SDK1: variants seen among roughly 807,000 people sequenced by gnomAD.
The protein encoded by SDK1 is sidekick cell adhesion molecule 1.
In SDK1, 157 loss-of-function variants were observed where a neutral mutation model predicts 245.5. The observed-to-expected ratio is 0.64, with a 90% confidence interval of 0.56 to 0.73. The LOEUF is 0.73. SDK1 is among the 30% of genes least tolerant of loss of function. The probability of loss-of-function intolerance (pLI) is 0.00; values close to 1 mark genes in which losing one functional copy is unlikely to be tolerated. For missense variants in SDK1, 3,583 were observed against 3,002.3 expected (o/e 1.19, Z -4.52); for synonymous variants, 1,647 against 1,278.5 (o/e 1.29, Z -6.15).
intron 14 of SDK1, among the ~76,000 whole-genome samples, chr7:3,990,636 C>G (rs1283145857): frequency 6.6e-6 from 1 of 152,204 alleles, no homozygotes; most frequent in East Asian, 1.9e-4. Flanking sequence ...CCCCATCAGG[C>G]GCTGTCGCCT....
intron 1 of SDK1, among the ~76,000 whole-genome samples, chr7:3,434,139 G>A (rs980483467): frequency 7.2e-5 from 11 of 152,066 alleles, no homozygotes; most frequent in Admixed American, 3.3e-4. Flanking sequence ...TAATTTTGGC[G>A]TATTTTGTGA....
At chr7:3,680,946 G>A (rs1000754779) in intron 4 of SDK1, among the ~76,000 whole-genome samples, 1 of 152,098 alleles carries the variant, frequency 6.6e-6, no homozygotes, top group African/African-American at 2.4e-5. Context: ...GGGTTCAAGC[G>A]ATTCTCCTGC....
intron 1 of SDK1, among the ~76,000 whole-genome samples, chr7:3,498,632 C>G (rs1418643472): frequency 1.3e-5 from 2 of 152,174 alleles, no homozygotes; most frequent in East Asian, 1.9e-4. Context: ...TTGTTTTCCT[C>G]CAATATCACA....
intron 1 of SDK1, among the ~76,000 whole-genome samples, chr7:3,582,025 G>A (rs1027314223): frequency 2.0e-5 from 3 of 151,756 alleles, no homozygotes; most frequent in African/African-American, 4.8e-5. Flanking sequence ...CCTGTCTCAG[G>A]TAGATCTGTC....
chr7:4,188,661 T>G (rs920991433), intron 35 of SDK1, among the ~76,000 whole-genome samples: 1 of 151,614 alleles, frequency 6.6e-6, no homozygotes, highest in Non-Finnish European at 1.5e-5. Flanking sequence ...TTTTATGTTT[T>G]CCATTAAACT....
intron 1 of SDK1, among the ~76,000 whole-genome samples, chr7:3,406,013 A>C (rs890697765): frequency 6.6e-6 from 1 of 152,046 alleles, no homozygotes; most frequent in Non-Finnish European, 1.5e-5. Flanking sequence ...GGGTTTCGCC[A>C]TATTGCTCAG....
chr7:4,079,716 G>T, intron 22 of SDK1, 132 bp downstream of exon 22: 1 of 1,303,272 alleles, frequency 7.7e-7, no homozygotes, highest in East Asian at 2.4e-5. Flanking sequence ...GAGAACCAGG[G>T]GCTGGAGATA....
rs1265437949 is a variant in SDK1, at chr7:4,263,581, GA to G, written c.6382-1542del. 3.3e-4 allele frequency among the ~76,000 whole-genome samples: 18 copies of G among 54,582 alleles called. 1 individual carries two copies. Among genetic ancestry groups the G allele is most frequent in the African/African-American group, 5.2e-4 (5 of 9,532 alleles). 35.8% of individuals were successfully genotyped at this position (54,582 alleles called of 152,430 possible). ...GAGGCCGCGTAGACCTCTCCTGAGT[GA>G]GGGAGGCCGCGTAGACCTCTCCTGA... is the stretch of plus-strand genomic sequence containing the variant. On this transcript the variant is annotated intron_variant, in intron 44 of 44. Coordinates refer to ENST00000404826, the MANE Select transcript of SDK1 (RefSeq NM_152744.4).
intron 5 of SDK1, among the ~76,000 whole-genome samples, chr7:3,893,510 C>G (rs1188583730): frequency 2.0e-5 from 3 of 152,042 alleles, no homozygotes; most frequent in Non-Finnish European, 4.4e-5. Context: ...AGCCTGCTTT[C>G]CATACCTTCT....
At chr7:3,497,920 G>A (rs553680964) in intron 1 of SDK1, among the ~76,000 whole-genome samples, 1 of 152,160 alleles carries the variant, frequency 6.6e-6, no homozygotes, top group Non-Finnish European at 1.5e-5. Context: ...GGAGTTTCTG[G>A]ATGTGATACT....
At chr7:4,253,272 A>G (rs933704576) in intron 44 of SDK1, among the ~76,000 whole-genome samples, 1 of 152,148 alleles carries the variant, frequency 6.6e-6, no homozygotes, top group African/African-American at 2.4e-5. Context: ...TTTATGGCTA[A>G]AAATTCCCCT....
At chr7:3,786,165 T>C (rs898172337) in intron 4 of SDK1, among the ~76,000 whole-genome samples, 6 of 152,184 alleles carry the variant, frequency 3.9e-5, no homozygotes, top group Non-Finnish European at 7.4e-5. Flanking sequence ...CTTTTACTCT[T>C]TCCCTTCTTC....
Position 4,181,544 on chromosome 7 carries a change from C to T in SDK1, c.5098+2958C>T, listed in dbSNP as rs2128220044. On this transcript the variant is annotated intron_variant, in intron 35 of 44. Coordinates refer to ENST00000404826, the MANE Select transcript of SDK1 (RefSeq NM_152744.4). ...GCTTCTCCCTTCCCCACTGGGCCCC[C>T]ATCTCCCTCCCCTCCCAACATGTGC... Among the ~76,000 whole-genome samples the T allele has an allele frequency of 1.3e-5, 2 of 152,206 alleles. 1 individual carries two copies. Among genetic ancestry groups the T allele is most frequent in the South Asian group, 4.2e-4 (2 of 4,818 alleles).
chr7:3,399,473 C>A (rs1443218500), intron 1 of SDK1, among the ~76,000 whole-genome samples: 4 of 152,090 alleles, frequency 2.6e-5, no homozygotes, highest in Non-Finnish European at 5.9e-5. Context: ...ATGGTCTGTA[C>A]ATTCCTATAT....
At chr7:3,483,087 T>G (rs1781567956) in intron 1 of SDK1, among the ~76,000 whole-genome samples, 1 of 152,250 alleles carries the variant, frequency 6.6e-6, no homozygotes, top group South Asian at 2.1e-4. Flanking sequence ...AGAAGTTTTC[T>G]TACATATTTT....
chr7:3,812,488 A>G (rs1488326002), intron 4 of SDK1, among the ~76,000 whole-genome samples: 1 of 152,220 alleles, frequency 6.6e-6, no homozygotes, highest in Non-Finnish European at 1.5e-5. Flanking sequence ...TCAATATAGA[A>G]GAGTTGGATA....
intron 35 of SDK1, among the ~76,000 whole-genome samples, chr7:4,190,232 C>T (rs994073440): frequency 2.0e-5 from 3 of 152,178 alleles, no homozygotes; most frequent in Admixed American, 6.5e-5. Context: ...TAACATATCA[C>T]GCGATAATGA....
chr7:4,194,726 G>A (rs556374232), intron 35 of SDK1, among the ~76,000 whole-genome samples: 1 of 152,266 alleles, frequency 6.6e-6, no homozygotes, highest in East Asian at 1.9e-4. Flanking sequence ...CAGCTGATGA[G>A]ATGGTGCACA....
intron 1 of SDK1, among the ~76,000 whole-genome samples, chr7:3,506,304 A>G (rs962927524): frequency 1.4e-4 from 22 of 152,000 alleles, no homozygotes; most frequent in Admixed American, 3.9e-4. Context: ...ATGTTCTTCT[A>G]TTGTCTTCTG....
Sources: allele counts gnomAD v4.1 joint callset (sites outside exome capture counted in the v4.1 genomes callset), GRCh38; gene constraint gnomAD v4.1.1; transcripts MANE v1.5; gene names NCBI Gene and HGNC (gene_info 2026-07-23, HGNC 2026-07-21).